AXIN1: variants seen among roughly 807,000 people sequenced by gnomAD.
AXIN1 encodes the protein axin 1.
Under a neutral mutation model 76.4 loss-of-function variants are expected in AXIN1, and 30 were observed. The observed-to-expected ratio is 0.39, with a 90% CI of 0.29 to 0.53. The LOEUF (loss-of-function observed/expected upper bound fraction) is 0.53, where lower values mean the gene tolerates loss of function less well. Among genes scored for constraint, AXIN1 ranks in the 20% least tolerant of loss-of-function variants. AXIN1 has a pLI of 0.66. For missense variants in AXIN1, 1,140 were observed against 1,198.8 expected (o/e 0.95, Z 0.72); for synonymous variants, 545 against 501.4 (o/e 1.09, Z -1.16).
Position 293,294 on chromosome 16 carries a change from G to A in AXIN1, c.2186+194C>T, listed in dbSNP as rs1231731996. On this transcript the variant is annotated intron_variant, in intron 8 of 10. Coordinates refer to ENST00000262320, the MANE Select transcript of AXIN1 (RefSeq NM_003502.4). The surrounding 1 kb of genome is among the most constrained non-coding windows in gnomAD (Gnocchi z 4.6). ...CGGGTGTGTGAAAGCTCCAGCCCCAGCCTCCGTCCACCGCAGGGTGGCCTG... is the reference window on the plus strand; with the variant it reads ...CGGGTGTGTGAAAGCTCCAGCCCCAACCTCCGTCCACCGCAGGGTGGCCTG... 9 of 627,916 alleles carry A rather than the reference G, an allele frequency of 1.4e-5. No homozygotes were observed. In the South Asian group the frequency reaches 1.8e-4, roughly 12 times the overall value. The allele number at this position is 627,916 out of a possible 1,614,324, so 38.9% of individuals were successfully genotyped here.
chr16:293,874 G>A lies in AXIN1; in HGVS notation c.1956-156C>T, dbSNP rs2052636522. Among the ~76,000 whole-genome samples, 1 of 152,184 alleles carries A rather than the reference G, an allele frequency of 6.6e-6. No individual in the cohort carries two copies. Among genetic ancestry groups the A allele is most frequent in the Non-Finnish European group, 1.5e-5 (1 of 68,026 alleles). ...CCAAGCCACATGGACGTCCTCCACA[G>A]ACCACACAATAAAAACATCCCGGCC... On this transcript the variant is annotated intron_variant, in intron 7 of 10. Coordinates refer to ENST00000262320, the MANE Select transcript of AXIN1 (RefSeq NM_003502.4). The surrounding 1 kb of genome is among the most constrained non-coding windows in gnomAD (Gnocchi z 4.6).
intron 10 of AXIN1, 132 bp downstream of exon 10, chr16:289,308 C>G (rs1014555951): frequency 2.3e-5 from 27 of 1,186,646 alleles, no homozygotes; most frequent in Non-Finnish European, 3.3e-5. Context: ...TGAGGCAATC[C>G]GCCCACCTCA....
chr16:315,221 C>T (rs1220382175), intron 2 of AXIN1, among the ~76,000 whole-genome samples: 1 of 152,186 alleles, frequency 6.6e-6, no homozygotes, highest in East Asian at 1.9e-4. Context: ...GCTCCTGGGA[C>T]GATTCACCTC....
At chr16:304,282 G>A (rs202224436) in intron 5 of AXIN1, 22 bp downstream of exon 5, 39 of 1,608,886 alleles carry the variant, frequency 2.4e-5, no homozygotes, top group African/African-American at 1.2e-4. Flanking sequence ...CGCGGAGCGC[G>A]ACACCGACGC....
At chr16:294,404 G>C (rs533660064) in intron 7 of AXIN1, among the ~76,000 whole-genome samples, 1 of 146,856 alleles carries the variant, frequency 6.8e-6, no homozygotes, top group African/African-American at 2.5e-5. Flanking sequence ...CAGAGGTTGC[G>C]GTGAGCTGAG....
chr16:311,115 C>CTCTG (rs1555479152), intron 3 of AXIN1, among the ~76,000 whole-genome samples: 2 of 298 alleles, frequency 6.7e-3, no homozygotes, highest in African/African-American at 0.012. Flanking sequence ...TCACTGCAAG[C>CTCTG]CGCTCCCGGG....
intron 1 of AXIN1, among the ~76,000 whole-genome samples, chr16:350,261 A>C (rs1355573276): frequency 1.3e-5 from 2 of 152,114 alleles, no homozygotes; most frequent in African/African-American, 4.8e-5. Context: ...AATTCCTGAA[A>C]TCTCTGGGTT....
At chr16:327,650 TC>T (rs2053612215) in intron 2 of AXIN1, among the ~76,000 whole-genome samples, 1 of 152,208 alleles carries the variant, frequency 6.6e-6, no homozygotes, top group Non-Finnish European at 1.5e-5. Flanking sequence ...ACACCTGCCA[TC>T]CCGGGAGTCC....
chr16:312,476 T>C (rs150151804), intron 3 of AXIN1, among the ~76,000 whole-genome samples: 41 of 152,314 alleles, frequency 2.7e-4, no homozygotes, highest in African/African-American at 9.9e-4. Flanking sequence ...CAGGTTACTT[T>C]TTGTTGTAGT....
chr16:308,342 C>T (rs2053083214), intron 4 of AXIN1, among the ~76,000 whole-genome samples: 1 of 152,228 alleles, frequency 6.6e-6, no homozygotes, highest in Admixed American at 6.5e-5. Context: ...CCAACGCACT[C>T]CACAGCTTCT....
intron 4 of AXIN1, among the ~76,000 whole-genome samples, chr16:305,458 AGAGT>A (rs2052993718): frequency 6.6e-6 from 1 of 152,188 alleles, no homozygotes; most frequent in Non-Finnish European, 1.5e-5. Context: ...CCTGGGTGAA[AGAGT>A]GAGACCCTGT....
At chr16:349,712 C>T (rs74424265) in intron 1 of AXIN1, among the ~76,000 whole-genome samples, 4,015 of 152,312 alleles carry the variant, frequency 0.026, 164 homozygotes, top group African/African-American at 0.091. Flanking sequence ...TTGTCACAGA[C>T]GCCAAACACT....
At chr16:290,638 C>T (rs1230375233) in intron 9 of AXIN1, 4 of 183,046 alleles carry the variant, frequency 2.2e-5, no homozygotes, top group East Asian at 1.4e-4. Context: ...ATAAAGGCGC[C>T]GTCGACACGG....
chr16:317,287 C>T (rs1043118678), intron 2 of AXIN1, among the ~76,000 whole-genome samples: 4 of 152,144 alleles, frequency 2.6e-5, no homozygotes, highest in Non-Finnish European at 5.9e-5. Flanking sequence ...CCTCGCTGCA[C>T]GGGGCCATTT....
At chr16:328,127 C>T (rs1308172446) in intron 2 of AXIN1, among the ~76,000 whole-genome samples, 2 of 152,206 alleles carry the variant, frequency 1.3e-5, no homozygotes, top group African/African-American at 2.4e-5. Context: ...CGGGGTAGCT[C>T]ACACCTGTAA....
chr16:298,109 T>C lies in AXIN1; in HGVS notation c.1397A>G (p.Asn466Ser), dbSNP rs1596998840. ...CAGLRDAHEE[N>S]PESILDEHVQ... ...GTGCTCGTCCAGGATGCTCTCAGGGTTCTCCTCGTGTGCATCCCGGAGCCC... is the reference window on the plus strand; with the variant it reads ...GTGCTCGTCCAGGATGCTCTCAGGGCTCTCCTCGTGTGCATCCCGGAGCCC... The change falls in exon 6 of 11, where the codon AAC (asparagine) becomes AGC (serine). Residue 466 changes from asparagine to serine, a missense_variant. Asn to Ser is a conservative substitution (Grantham distance 46). Coordinates refer to ENST00000262320, the MANE Select transcript of AXIN1 (RefSeq NM_003502.4). 1 of 1,547,506 alleles carries C rather than the reference T, an allele frequency of 6.5e-7. No individual in the cohort carries two copies. The highest frequency in any genetic ancestry group is 8.7e-7 in the Non-Finnish European group (1 of 1,149,776).
At chr16:304,273 G>A (rs747338741) in intron 5 of AXIN1, 31 bp downstream of exon 5, 28 of 1,603,076 alleles carry the variant, frequency 1.7e-5, no homozygotes, top group Middle Eastern at 1.8e-4. Context: ...CGACACCGAC[G>A]CGGAGCGCGA....
At chr16:311,585 C>A (rs1273201248) in intron 3 of AXIN1, among the ~76,000 whole-genome samples, 2 of 151,600 alleles carry the variant, frequency 1.3e-5, no homozygotes, top group Non-Finnish European at 2.9e-5. Context: ...TCCTGGCTAA[C>A]ACGGTGAAAC....
intron 3 of AXIN1, 63 bp downstream of exon 3, chr16:314,480 T>TAG (rs1369374456): frequency 1.2e-6 from 2 of 1,607,882 alleles, no homozygotes; most frequent in African/African-American, 2.7e-5. Context: ...AGGGACAAGG[T>TAG]GTCTGGGACC....
Sources: gnomAD v4.1 joint callset for allele counts (sites outside exome capture counted in the v4.1 genomes callset) on GRCh38, gnomAD v4.1.1 for gene constraint, Gnocchi (gnomAD v3.1) non-coding constraint, MANE v1.5 for transcripts, NCBI Gene and HGNC (gene_info 2026-07-23, HGNC 2026-07-21) for gene names.